Variants in SAMMSON observed in about 807,000 individuals in gnomAD.
SAMMSON encodes the protein long intergenic non-protein coding RNA 1212.
intron 4 of SAMMSON, among the ~76,000 whole-genome samples, chr3:70,134,087 C>CAAAAAAAAAAAAA: frequency 1.7e-5 from 1 of 60,580 alleles, no homozygotes; most frequent in Non-Finnish European, 3.5e-5. Flanking sequence ...ACTGAAAATA[C>CAAAAAAAAAAAAA]AAAAAAAAAA....
Position 70,380,403 on chromosome 3 carries a change from C to G in SAMMSON, n.914-9171C>G, listed in dbSNP as rs1330991435. ...ATTTGAATTGGAAATATCAAAATGA[C>G]TCATTTTTTAAAAATAAAAAGTCAT... On this transcript the variant is annotated intron_variant and non_coding_transcript_variant, in intron 9 of 9. Transcript: ENST00000642114. 2.0e-5 allele frequency among the ~76,000 whole-genome samples: 3 copies of G among 151,926 alleles called. No individual in the cohort carries two copies. The South Asian group carries it at 6.2e-4, about 32-fold the overall frequency.
In SAMMSON at chr3:70,216,158, AT is replaced by A. The variant is rs540266260; in HGVS notation, n.508-32946del. On this transcript the variant is annotated intron_variant and non_coding_transcript_variant, in intron 4 of 9. Coordinates refer to ENST00000642114, the Ensembl canonical transcript of SAMMSON. ...TAGATGTATATGTATATATCTACATATTTATATTTATGCTTTATATTTGCAT... is the reference window on the plus strand; with the variant it reads ...TAGATGTATATGTATATATCTACATATTATATTTATGCTTTATATTTGCAT... Among the ~76,000 whole-genome samples the A allele has an allele frequency of 5.4e-3, 813 of 151,418 alleles. 4 individuals carry two copies. Among genetic ancestry groups the A allele is most frequent in the Non-Finnish European group, 8.6e-3 (581 of 67,854 alleles).
At chr3:70,015,557 G>A (rs191200862) in intron 3 of SAMMSON, among the ~76,000 whole-genome samples, 1 of 152,078 alleles carries the variant, frequency 6.6e-6, no homozygotes, top group East Asian at 1.9e-4. Flanking sequence ...TCTTACTTGA[G>A]GTGTCTTTCT....
chr3:70,270,870 A>G (rs1002812793), intron 6 of SAMMSON, among the ~76,000 whole-genome samples: 2 of 152,006 alleles, frequency 1.3e-5, no homozygotes. Flanking sequence ...AACATCACAC[A>G]CCAGGGCTTA....
intron 4 of SAMMSON, among the ~76,000 whole-genome samples, chr3:70,108,295 A>G (rs1244229346): frequency 1.3e-5 from 2 of 152,064 alleles, no homozygotes; most frequent in Non-Finnish European, 2.9e-5. Context: ...AGGTATAAGA[A>G]CGTGGGGAAA....
intron 9 of SAMMSON, among the ~76,000 whole-genome samples, chr3:70,377,045 T>C (rs1042053438): frequency 5.3e-5 from 8 of 152,132 alleles, no homozygotes; most frequent in African/African-American, 9.6e-5. Flanking sequence ...ATTTAAGATA[T>C]CTTATAAAAA....
chr3:70,371,954 G>A (rs1226446241), intron 9 of SAMMSON, among the ~76,000 whole-genome samples: 1 of 152,100 alleles, frequency 6.6e-6, no homozygotes, highest in East Asian at 1.9e-4. Flanking sequence ...CATTTTATGT[G>A]ATGTTACCTG....
intron 6 of SAMMSON, among the ~76,000 whole-genome samples, chr3:70,282,997 C>G (rs1324290018): frequency 6.6e-6 from 1 of 152,096 alleles, no homozygotes; most frequent in Non-Finnish European, 1.5e-5. Flanking sequence ...AAAAATGGAG[C>G]AGGAGACTGA....
intron 7 of SAMMSON, among the ~76,000 whole-genome samples, chr3:70,327,550 A>G (rs1297622675): frequency 2.0e-5 from 3 of 152,170 alleles, no homozygotes; most frequent in Admixed American, 6.5e-5. Context: ...AGAGCAAACA[A>G]TCAAGTCTTC....
intron 4 of SAMMSON, among the ~76,000 whole-genome samples, chr3:70,136,985 T>C (rs766837296): frequency 4.6e-5 from 7 of 152,180 alleles, no homozygotes; most frequent in Non-Finnish European, 1.0e-4. Flanking sequence ...ATGTACCTTT[T>C]ATTTTATCAC....
intron 7 of SAMMSON, among the ~76,000 whole-genome samples, chr3:70,316,046 A>T (rs953115466): frequency 1.3e-5 from 2 of 152,142 alleles, no homozygotes; most frequent in Admixed American, 6.6e-5. Flanking sequence ...TCTTTTTATA[A>T]TTCTGTTCCC....
intron 7 of SAMMSON, among the ~76,000 whole-genome samples, chr3:70,296,969 G>T (rs1178360360): frequency 6.6e-6 from 1 of 151,806 alleles, no homozygotes; most frequent in African/African-American, 2.4e-5. Context: ...GTCAATATCT[G>T]ATCTAATATC....
chr3:70,313,695 T>G lies in SAMMSON; in HGVS notation n.739+22452T>G, dbSNP rs574598388. On this transcript the variant is annotated intron_variant and non_coding_transcript_variant, in intron 7 of 9. Transcript: ENST00000642114. ...CCTGGACAATTGTCCATTATCAGATTCCTTTATCCATTTCACCTCGTTTCC... is the reference window on the plus strand; with the variant it reads ...CCTGGACAATTGTCCATTATCAGATGCCTTTATCCATTTCACCTCGTTTCC... Among the ~76,000 whole-genome samples, 6 of 152,208 alleles carry G rather than the reference T, an allele frequency of 3.9e-5. No individual in the cohort carries two copies. In the South Asian group the frequency reaches 1.2e-3, roughly 32 times the overall value.
intron 7 of SAMMSON, among the ~76,000 whole-genome samples, chr3:70,306,599 T>G (rs1702403248): frequency 6.6e-6 from 1 of 152,146 alleles, no homozygotes; most frequent in South Asian, 2.1e-4. Flanking sequence ...TTATCATTTT[T>G]TTTCTCTCTC....
intron 4 of SAMMSON, among the ~76,000 whole-genome samples, chr3:70,130,030 A>T (rs1368137504): frequency 6.6e-6 from 1 of 152,210 alleles, no homozygotes; most frequent in Admixed American, 6.5e-5. Flanking sequence ...TAATCAATGG[A>T]ATGGCAATAT....
intron 7 of SAMMSON, among the ~76,000 whole-genome samples, chr3:70,352,876 G>C (rs568795357): frequency 6.6e-6 from 1 of 152,030 alleles, no homozygotes; most frequent in African/African-American, 2.4e-5. Flanking sequence ...GGTATTGGTT[G>C]AGGAATACAT....
Position 70,383,650 on chromosome 3 carries a change from A to G in SAMMSON, n.914-5924A>G, listed in dbSNP as rs566775058. On this transcript the variant is annotated intron_variant and non_coding_transcript_variant, in intron 9 of 9. Coordinates refer to ENST00000642114, the Ensembl canonical transcript of SAMMSON. ...TTTTCCCTCCCAAAAACTGTTGTGT[A>G]ATATTGCTGGCAGAGAGGGGATGAT... Among the ~76,000 whole-genome samples the G allele has an allele frequency of 2.6e-5, 4 of 152,180 alleles. No homozygotes were observed. The East Asian group carries it at 5.8e-4, about 22-fold the overall frequency.
rs146127396 is a variant in SAMMSON at position 70,207,402 on chromosome 3, A to G, written n.508-41705A>G. Among the ~76,000 whole-genome samples, 46 of 152,160 alleles carry G rather than the reference A, an allele frequency of 3.0e-4. 2 individuals carry two copies. Among genetic ancestry groups the G allele is most frequent in the African/African-American group, 9.4e-4 (39 of 41,548 alleles). On this transcript the variant is annotated intron_variant and non_coding_transcript_variant, in intron 4 of 9. Coordinates refer to ENST00000642114, the Ensembl canonical transcript of SAMMSON. ...GGCTTTGGGGATATGCTTCTTGGGA[A>G]CATGCTTTATTTCCACATAACTGTC...
intron 7 of SAMMSON, among the ~76,000 whole-genome samples, chr3:70,300,614 C>A (rs920411321): frequency 2.0e-5 from 3 of 151,890 alleles, no homozygotes; most frequent in Admixed American, 2.0e-4. Flanking sequence ...ATTGTTTCAT[C>A]TCTAAAATAA....
Sources: allele counts gnomAD v4.1 joint callset (sites outside exome capture counted in the v4.1 genomes callset), GRCh38; gene constraint gnomAD v4.1.1; transcripts MANE v1.5; gene names NCBI Gene and HGNC (gene_info 2026-07-23, HGNC 2026-07-21).